UBR4: variants seen among roughly 807,000 people sequenced by gnomAD.
UBR4 encodes ubiquitin protein ligase E3 component n-recognin 4.
A neutral mutation model predicts 575.6 loss-of-function variants in UBR4; 124 were observed. The observed-to-expected ratio is 0.22, with a 90% CI of 0.19 to 0.25. The LOEUF (loss-of-function observed/expected upper bound fraction) is 0.25, where lower values mean the gene tolerates loss of function less well. UBR4 is among the 10% of genes least tolerant of loss of function. The pLI, the probability that UBR4 is intolerant of heterozygous loss-of-function variation, is 1.00. For synonymous variants in UBR4, 2,455 were observed against 2,473.7 expected (o/e 0.99, Z 0.22); for missense variants, 4,818 against 6,478.8 (o/e 0.74, Z 8.80).
rs1056768378 is a variant in UBR4 at position 19,074,976 on chromosome 1, A to T, written c.15488-80T>A. On this transcript the variant is annotated intron_variant, in intron 105 of 105. Transcript: ENST00000375254. ...CCCCTGAGTCACAGCTGCCGCATCTAGCAGAGAACACACTGCGGTCCGACA... is the reference window on the plus strand; with the variant it reads ...CCCCTGAGTCACAGCTGCCGCATCTTGCAGAGAACACACTGCGGTCCGACA... 6 of 1,465,708 alleles carry T rather than the reference A, an allele frequency of 4.1e-6. No homozygotes were observed. In the African/African-American group the frequency reaches 8.3e-5, roughly 20 times the overall value. The allele number at this position is 1,465,708 out of a possible 1,614,324, so 90.8% of individuals were successfully genotyped here.
chr1:19,184,035 C>T lies in UBR4; in HGVS notation c.2079G>A (p.Val693=). 1.2e-6 allele frequency: 2 copies of T among 1,614,024 alleles called. No homozygotes were observed. The change falls in exon 16 of 106, where the codon GTG becomes GTA. Residue 693 remains valine (V), a synonymous_variant. Coordinates refer to ENST00000375254, the MANE Select transcript of UBR4 (RefSeq NM_020765.3). ...ACTGACCCTTGAGTCCATCTTTGTC[C>T]ACCTCCTTGATGATACTGGCTAGGG... ...MATLASIIKE[V]DKDGLKGSSD... is the part of the protein sequence containing the mutation.
At position 19,119,596 on chromosome 1, in the gene UBR4, T is replaced by C; in HGVS notation, c.10416A>G (p.Leu3472=). Residue 3472 remains leucine (L), a synonymous_variant, in exon 70 of 106, where the codon CTA becomes CTG. Transcript: ENST00000375254. ...GTGGAGTTTTCAGGGAGAAATATCC[T>C]AGTAGGTCCACAAACTGGGCAGCCT... is the stretch of plus-strand genomic sequence containing the variant. The part of the protein sequence containing the change: ...GRKAAQFVDL[L]GYFSLKTPQT... 1 of 1,614,062 alleles carries C rather than the reference T, an allele frequency of 6.2e-7. No individual in the cohort carries two copies. Among genetic ancestry groups the C allele is most frequent in the Non-Finnish European group, 8.5e-7 (1 of 1,179,900 alleles).
In UBR4 at chr1:19,126,451, C is replaced by A. The variant is rs1375293115; in HGVS notation, c.9433G>T (p.Val3145Leu). 3 of 1,614,162 alleles carry A rather than the reference C, an allele frequency of 1.9e-6. No homozygotes were observed. Among genetic ancestry groups the A allele is most frequent in the East Asian group, 4.5e-5 (2 of 44,880 alleles). Residue 3145 changes from valine (V) to leucine (L), a missense_variant, in exon 64 of 106, where the codon GTG (valine) becomes TTG (leucine). Physicochemically the swap from Val to Leu is conservative, Grantham distance 32 (BLOSUM62 1). Coordinates refer to ENST00000375254, the MANE Select transcript of UBR4 (RefSeq NM_020765.3). ...TGATGAGGGAAAGATCTCACCTTCA[C>A]ATACTGGCGGAGAAAGAATGGGCTC... ...DMSPFFLRQY[V>L]KGHAADVFEA...
chr1:19,150,749 C>T lies in UBR4; in HGVS notation c.7258G>A (p.Val2420Ile). 11 of 1,614,094 alleles carry T rather than the reference C, an allele frequency of 6.8e-6. No homozygotes were observed. The highest frequency in any genetic ancestry group is 9.3e-6 in the Non-Finnish European group (11 of 1,180,018). ...TCCTTAGTCTTGCCATAAATTTTTA[C>T]AGCATCTATCATGGTGACACCTGCT... Reference protein sequence around the residue: ...DPAGVTMIDAVKIYGKTKEQF... With the variant: ...DPAGVTMIDAIKIYGKTKEQF... The change falls in exon 49 of 106, where the codon GTA (valine) becomes ATA (isoleucine). Residue 2420 changes from valine to isoleucine, a missense_variant. Coordinates refer to ENST00000375254, the MANE Select transcript of UBR4 (RefSeq NM_020765.3).
At chr1:19,146,403 G>A (rs1241677162) in intron 52 of UBR4, among the ~76,000 whole-genome samples, 1 of 152,182 alleles carries the variant, frequency 6.6e-6, no homozygotes, top group African/African-American at 2.4e-5. Flanking sequence ...AACAGAAGAG[G>A]AGATGAGGAA....
At chr1:19,186,187 C>T (rs2091510797) in intron 14 of UBR4, among the ~76,000 whole-genome samples, 1 of 152,162 alleles carries the variant, frequency 6.6e-6, no homozygotes. Flanking sequence ...AAACCGAACA[C>T]CTCACATGTG....
rs775796095 is a variant in UBR4 at position 19,089,003 on chromosome 1, C to T, written c.14212-26G>A. The T allele has an allele frequency of 1.9e-6, 3 of 1,609,058 alleles. No individual in the cohort carries two copies. The highest frequency in any genetic ancestry group is 2.2e-5 in the East Asian group (1 of 44,800). On this transcript the variant is annotated intron_variant, in intron 97 of 105. Transcript: ENST00000375254. The surrounding 1 kb of genome is among the most constrained non-coding windows in gnomAD (Gnocchi z 4.3). ...CTGCCAGTAAGAGACCAGAGAGACA[C>T]ATGCCTCCAATTATGTAGACAAACC... is the stretch of plus-strand genomic sequence containing the variant.
At position 19,119,676 on chromosome 1, in the gene UBR4, G is replaced by A. The variant is rs764267724; in HGVS notation, c.10336C>T (p.Leu3446Phe). ...ATGGACCACATCAGATCTAGCAGGAGCTCCTGTTGAGATTTGCTGGAATTT... is the reference window on the plus strand; with the variant it reads ...ATGGACCACATCAGATCTAGCAGGAACTCCTGTTGAGATTTGCTGGAATTT... ...YRNSSKSQQE[L>F]LLDLMWSIWP... The change falls in exon 70 of 106, where the codon CTC becomes TTC. Residue 3446 changes from leucine to phenylalanine, a missense_variant. Transcript: ENST00000375254. 5 of 1,612,450 alleles carry A rather than the reference G, an allele frequency of 3.1e-6. No individual in the cohort carries two copies. Among genetic ancestry groups the A allele is most frequent in the Middle Eastern group, 1.7e-4 (1 of 6,042 alleles).
chr1:19,104,071 T>C lies in UBR4; in HGVS notation c.12901+13A>G, dbSNP rs1465760515. The C allele has an allele frequency of 1.9e-6, 3 of 1,613,726 alleles. No individual in the cohort carries two copies. Among genetic ancestry groups the C allele is most frequent in the Admixed American group, 1.7e-5 (1 of 60,014 alleles). ...GACAGTGCCTTAGGCTCCAGGCCAC[T>C]GGGCAGTGCTACCTGTGGTCATGTC... On this transcript the variant is annotated intron_variant, in intron 87 of 105. Transcript: ENST00000375254.
intron 56 of UBR4, 47 bp from the exon 57 acceptor site, chr1:19,141,571 T>C: frequency 6.3e-7 from 1 of 1,598,434 alleles, no homozygotes; most frequent in Non-Finnish European, 8.5e-7. Flanking sequence ...GTGGTAACTT[T>C]TGGAAGTCCA....
chr1:19,182,937 A>T (rs1163863532), intron 17 of UBR4, among the ~76,000 whole-genome samples: 4 of 152,216 alleles, frequency 2.6e-5, no homozygotes, highest in Non-Finnish European at 5.9e-5. Context: ...TACATATATG[A>T]CTAAGGACAT....
In UBR4 at chr1:19,198,016, C is replaced by G; in HGVS notation, c.682G>C (p.Asp228His). 6.2e-7 allele frequency: 1 copy of G among 1,614,064 alleles called. No individual in the cohort carries two copies. Among genetic ancestry groups the G allele is most frequent in the South Asian group, 1.1e-5 (1 of 91,072 alleles). The change falls in exon 6 of 106, where the codon GAT becomes CAT. Residue 228 changes from aspartate to histidine, a missense_variant. Physicochemically the swap from Asp to His is moderately conservative, Grantham distance 81. Coordinates refer to ENST00000375254, the MANE Select transcript of UBR4 (RefSeq NM_020765.3). ...EGENDEQSST[D>H]QASAIKTKNV... ...TTGGTTTTGATAGCTGAGGCTTGATCTGTAGATGACTGCTCATCATTTTCT... is the reference window on the plus strand; with the variant it reads ...TTGGTTTTGATAGCTGAGGCTTGATGTGTAGATGACTGCTCATCATTTTCT...
At position 19,149,836 on chromosome 1, in the gene UBR4, G is replaced by A. The variant is rs142320483; in HGVS notation, c.7430+741C>T. ...AAGAAAAAAAAAAAAGGAAAAAAAT[G>A]TGAAGCTCAGAGAAACCCGGAAACA... On this transcript the variant is annotated intron_variant, in intron 49 of 105. Coordinates refer to ENST00000375254, the MANE Select transcript of UBR4 (RefSeq NM_020765.3). The A allele has an allele frequency of 2.3e-6, 3 of 1,284,054 alleles. No individual in the cohort carries two copies. The African/African-American group carries it at 4.7e-5, about 20-fold the overall frequency. 79.5% of individuals were successfully genotyped at this position (1,284,054 alleles called of 1,614,324 possible). A position where few individuals can be genotyped will look rare whatever the true frequency, so the allele number is the denominator to read the frequency against.
chr1:19,160,587 T>A (rs2087173982), intron 38 of UBR4, among the ~76,000 whole-genome samples: 1 of 152,200 alleles, frequency 6.6e-6, no homozygotes, highest in African/African-American at 2.4e-5. Context: ...TGGTTTGGGT[T>A]TTGTACCATC....
At chr1:19,204,472 C>T (rs2092906049) in intron 1 of UBR4, among the ~76,000 whole-genome samples, 1 of 151,934 alleles carries the variant, frequency 6.6e-6, no homozygotes, top group Non-Finnish European at 1.5e-5. Context: ...ATACTGCCCA[C>T]CCAAAGGATG....
At chr1:19,123,177 C>A in intron 65 of UBR4, 117 bp from the exon 66 acceptor site, 1 of 1,081,442 alleles carries the variant, frequency 9.2e-7, no homozygotes, top group Non-Finnish European at 1.3e-6. Flanking sequence ...ACAGGCCGGG[C>A]ACGGTGGCTC....
chr1:19,123,295 T>A (rs1264531916), intron 65 of UBR4, among the ~76,000 whole-genome samples: 1 of 151,612 alleles, frequency 6.6e-6, no homozygotes, highest in African/African-American at 2.4e-5. Flanking sequence ...CTACCAACAA[T>A]ACAAAAATTA....
intron 39 of UBR4, among the ~76,000 whole-genome samples, chr1:19,158,706 G>A (rs113399095): frequency 6.6e-6 from 1 of 151,664 alleles, no homozygotes; most frequent in Non-Finnish European, 1.5e-5. Context: ...CAAGTGATTT[G>A]CCCACCTCAG....
chr1:19,095,380 A>G (rs1291603162), intron 93 of UBR4, among the ~76,000 whole-genome samples, 165 bp downstream of exon 93: 3 of 152,142 alleles, frequency 2.0e-5, no homozygotes, highest in Non-Finnish European at 4.4e-5. Flanking sequence ...AGCCAGCCAG[A>G]GGAGAAGGGC....
Sources: allele counts gnomAD v4.1 joint callset (sites outside exome capture counted in the v4.1 genomes callset), GRCh38; gene constraint gnomAD v4.1.1; non-coding constraint Gnocchi (gnomAD v3.1); transcripts MANE v1.5; gene names NCBI Gene and HGNC (gene_info 2026-07-23, HGNC 2026-07-21).